The following RBM33 variants were observed in gnomAD, a reference collection of about 807,000 sequenced individuals.
The protein encoded by RBM33 is RNA-binding protein 33.
In RBM33, 28 loss-of-function variants were observed where a neutral mutation model predicts 132.6. That is an observed-to-expected ratio of 0.21 (90% CI 0.16 to 0.29). RBM33 has a LOEUF of 0.29. Ranked by LOEUF, RBM33 falls within the 10% of genes least tolerant of loss-of-function variation. The pLI is 1.00. For missense variants in RBM33, 1,291 were observed against 1,518.5 expected (o/e 0.85, Z 2.49); for synonymous variants, 634 against 593.0 (o/e 1.07, Z -1.01).
chr7:155,742,222 C>T, intron 13 of RBM33, 116 bp downstream of exon 13: 2 of 996,294 alleles, frequency 2.0e-6, no homozygotes, highest in East Asian at 2.7e-5. Context: ...ACTTTTTTCA[C>T]CTGGGTCTTT....
At chr7:155,749,250 G>A (rs1289920901) in intron 14 of RBM33, among the ~76,000 whole-genome samples, 1 of 152,116 alleles carries the variant, frequency 6.6e-6, no homozygotes, top group African/African-American at 2.4e-5. Context: ...ATGCTTCTAA[G>A]GCCCCTTTTA....
At chr7:155,705,712 C>T (rs1292245952) in intron 6 of RBM33, among the ~76,000 whole-genome samples, 1 of 152,156 alleles carries the variant, frequency 6.6e-6, no homozygotes, top group South Asian at 2.1e-4. Context: ...GTAAAAGGAC[C>T]ATATGTGGCT....
chr7:155,747,003 T>TTTA (rs1166198185), intron 14 of RBM33, among the ~76,000 whole-genome samples: 1 of 152,236 alleles, frequency 6.6e-6, no homozygotes, highest in Non-Finnish European at 1.5e-5. Flanking sequence ...AGTTGGTTAA[T>TTTA]TAGCTGAGAT....
In RBM33 at chr7:155,691,344, C is replaced by G. The variant is rs141319777; in HGVS notation, c.568-9429C>G. ...CAGGTCATTTAAGGACTTCTCTACA[C>G]TGGTTATTCTAGTTAGCCATTCGTC... On this transcript the variant is annotated intron_variant, in intron 5 of 17. Coordinates refer to ENST00000401878, the MANE Select transcript of RBM33 (RefSeq NM_053043.3). Among the ~76,000 whole-genome samples, 37 of 152,254 alleles carry G rather than the reference C, an allele frequency of 2.4e-4. No homozygotes were observed. In the East Asian group the frequency reaches 5.8e-3, roughly 24 times the overall value.
chr7:155,673,319 A>C (rs992939445), intron 3 of RBM33, among the ~76,000 whole-genome samples: 1 of 152,066 alleles, frequency 6.6e-6, no homozygotes, highest in Non-Finnish European at 1.5e-5. Context: ...TAAACATTAA[A>C]ATAAATAAAA....
Position 155,763,954 on chromosome 7 carries a change from C to T in RBM33, c.3122C>T (p.Pro1041Leu). 3 of 1,598,400 alleles carry T rather than the reference C, an allele frequency of 1.9e-6. No homozygotes were observed. Among genetic ancestry groups the T allele is most frequent in the Non-Finnish European group, 2.6e-6 (3 of 1,172,672 alleles). ...LQQPPHLPAG[P>L]HAHSPVPPGI... ...CAGCCCCCACATCTGCCAGCGGGGC[C>T]CCACGCACACTCGCCTGTCCCTCCA... is the stretch of plus-strand genomic sequence containing the variant. Residue 1041 changes from proline to leucine, a missense_variant, in exon 15 of 18, where the codon CCC becomes CTC. Around this residue, in one of 7 missense-constraint regions of RBM33, gnomAD observed 841 missense variants for 912.0 expected, o/e 0.92. Transcript: ENST00000401878.
At chr7:155,678,127 C>T (rs2113586) in intron 3 of RBM33, among the ~76,000 whole-genome samples, 112,562 of 152,064 alleles carry the variant, frequency 0.74, 41,918 homozygotes, top group South Asian at 0.8. Context: ...GTGATCTGTA[C>T]TGGAAAAACC....
intron 6 of RBM33, among the ~76,000 whole-genome samples, chr7:155,706,308 A>G (rs1045839823): frequency 7.2e-5 from 11 of 152,314 alleles, no homozygotes; most frequent in Admixed American, 6.5e-4. Flanking sequence ...CCTGGGCAAC[A>G]TGGTGAAACC....
chr7:155,678,811 A>C lies in RBM33; in HGVS notation c.248+127A>C, dbSNP rs957418765. ...TATCTTTAACACATGATTACATTCT[A>C]AATGGAATACTAGTAATAACTGTAG... On this transcript the variant is annotated intron_variant, in intron 4 of 17. Coordinates refer to ENST00000401878, the MANE Select transcript of RBM33 (RefSeq NM_053043.3). 4 of 584,544 alleles carry C rather than the reference A, an allele frequency of 6.8e-6. No homozygotes were observed. The African/African-American group carries it at 7.7e-5, about 11-fold the overall frequency. The allele number at this position is 584,544 out of a possible 1,614,324, so 36.2% of individuals were successfully genotyped here. A position where few individuals can be genotyped will look rare whatever the true frequency, so the allele number is the denominator to read the frequency against.
At chr7:155,734,295 C>G (rs1220241371) in intron 9 of RBM33, among the ~76,000 whole-genome samples, 1 of 152,174 alleles carries the variant, frequency 6.6e-6, no homozygotes, top group Admixed American at 6.5e-5. Context: ...GAAACCTCCT[C>G]CCTCTGTTGA....
At chr7:155,727,930 A>AT (rs111637150) in intron 9 of RBM33, among the ~76,000 whole-genome samples, 36,507 of 151,386 alleles carry the variant, frequency 0.24, 4,659 homozygotes, top group African/African-American at 0.33. Flanking sequence ...TGCCTGGCTA[A>AT]TTTTTTTTTG....
intron 5 of RBM33, chr7:155,684,961 G>A: frequency 6.4e-7 from 1 of 1,550,418 alleles, no homozygotes; most frequent in Non-Finnish European, 8.7e-7. Flanking sequence ...GCTTATGGTG[G>A]GCAACAAGGG....
In RBM33 at chr7:155,779,672, G is replaced by C. The variant is rs1802746585; in HGVS notation, c.*4631G>C. Reference sequence around the variant, plus strand: ...CTCACTGATTCATATTGGATCCCCAGGTATACCTTCTGCTGGTAGCATATG... The same window carrying C: ...CTCACTGATTCATATTGGATCCCCACGTATACCTTCTGCTGGTAGCATATG... On this transcript the variant is annotated 3_prime_UTR_variant, in exon 18 of 18. Transcript: ENST00000401878. 6.6e-6 allele frequency: 1 copy of C among 152,162 alleles called. No individual in the cohort carries two copies. The highest frequency in any genetic ancestry group is 2.1e-4 in the South Asian group (1 of 4,828). 9.4% of individuals were successfully genotyped at this position (152,162 alleles called of 1,614,324 possible). A position where few individuals can be genotyped will look rare whatever the true frequency, so the allele number is the denominator to read the frequency against.
chr7:155,672,418 T>C (rs1798967130), intron 2 of RBM33, among the ~76,000 whole-genome samples: 1 of 152,172 alleles, frequency 6.6e-6, no homozygotes, highest in East Asian at 1.9e-4. Context: ...AATACATTTT[T>C]ATTATTAATA....
chr7:155,758,459 G>A (rs919305935), intron 14 of RBM33, among the ~76,000 whole-genome samples: 6 of 152,230 alleles, frequency 3.9e-5, no homozygotes, highest in East Asian at 1.9e-4. Context: ...GATCCCTCGC[G>A]TGGGCAGTTC....
chr7:155,678,559 T>C lies in RBM33; in HGVS notation c.172-49T>C, dbSNP rs1188109969. On this transcript the variant is annotated intron_variant, in intron 3 of 17. Transcript: ENST00000401878. ...GTGTAATTTTGTGCTTTTTAACAAG[T>C]CTTTTTATGGAAGTGACACACATTA... 3 of 1,197,886 alleles carry C rather than the reference T, an allele frequency of 2.5e-6. No homozygotes were observed. In the African/African-American group the frequency reaches 4.6e-5, roughly 18 times the overall value. 74.2% of individuals were successfully genotyped at this position (1,197,886 alleles called of 1,614,324 possible).
intron 3 of RBM33, 125 bp downstream of exon 3, chr7:155,673,040 C>A: frequency 1.9e-6 from 1 of 532,190 alleles, no homozygotes; most frequent in Non-Finnish European, 3.2e-6. Context: ...ATTTTGTAAA[C>A]TGAATTATTT....
chr7:155,688,975 T>C (rs888506405), intron 5 of RBM33, among the ~76,000 whole-genome samples: 1 of 152,226 alleles, frequency 6.6e-6, no homozygotes, highest in Non-Finnish European at 1.5e-5. Flanking sequence ...ATCAGGATGA[T>C]GCTGGCCTCA....
At chr7:155,772,824 T>C (rs1802475131) in intron 16 of RBM33, among the ~76,000 whole-genome samples, 1 of 152,192 alleles carries the variant, frequency 6.6e-6, no homozygotes, top group South Asian at 2.1e-4. Flanking sequence ...TGCCCTTGAA[T>C]TTGGAGACTT....
Sources: allele counts gnomAD v4.1 joint callset (sites outside exome capture counted in the v4.1 genomes callset), GRCh38; gene constraint gnomAD v4.1.1; regional missense constraint gnomAD v4.1.1; transcripts MANE v1.5; gene names NCBI Gene and HGNC (gene_info 2026-07-23, HGNC 2026-07-21).